Variants in ADAM32 observed in about 807,000 individuals in gnomAD.
ADAM32 encodes the protein disintegrin and metalloproteinase domain-containing protein 32.
In ADAM32, 89 loss-of-function variants were observed where a neutral mutation model predicts 114.9. The observed-to-expected ratio is 0.77, with a 90% confidence interval of 0.65 to 0.92. The LOEUF (loss-of-function observed/expected upper bound fraction) is 0.92, where lower values mean the gene tolerates loss of function less well. Ranked by LOEUF, ADAM32 falls within the 40% of genes least tolerant of loss-of-function variation. ADAM32 has a pLI of 0.00. For synonymous variants in ADAM32, 285 were observed against 307.5 expected (o/e 0.93, Z 0.77); for missense variants, 870 against 932.8 (o/e 0.93, Z 0.88).
intron 11 of ADAM32, among the ~76,000 whole-genome samples, chr8:39,193,999 C>T (rs1025010744): frequency 7.2e-5 from 11 of 152,222 alleles, no homozygotes; most frequent in South Asian, 4.1e-4. Flanking sequence ...GTGGCGGTGG[C>T]GGCACAGTGG....
At chr8:39,174,467 ATTTT>A (rs58760134) in intron 10 of ADAM32, among the ~76,000 whole-genome samples, 1 of 150,588 alleles carries the variant, frequency 6.6e-6, no homozygotes, top group African/African-American at 2.4e-5. Context: ...GTTCCATATG[ATTTT>A]TTTTTTGCCT....
intron 2 of ADAM32, among the ~76,000 whole-genome samples, chr8:39,127,148 T>C (rs1802165904): frequency 6.6e-6 from 1 of 152,200 alleles, no homozygotes; most frequent in African/African-American, 2.4e-5. Flanking sequence ...GTTGTATCTC[T>C]GTCAGGTTTT....
intron 11 of ADAM32, among the ~76,000 whole-genome samples, chr8:39,207,605 T>C (rs1056737489): frequency 6.6e-6 from 1 of 152,230 alleles, no homozygotes; most frequent in Non-Finnish European, 1.5e-5. Context: ...ATGCACTACA[T>C]TGTCATTTGG....
intron 11 of ADAM32, among the ~76,000 whole-genome samples, chr8:39,193,525 ATAACCCTTGCTGGAGTACT>A: frequency 6.6e-6 from 1 of 152,180 alleles, no homozygotes; most frequent in Non-Finnish European, 1.5e-5. Flanking sequence ...ACCTTGGTTA[ATAACCCTTGCTGGAGTACT>A]AGTTTGGTGT....
intron 12 of ADAM32, among the ~76,000 whole-genome samples, chr8:39,215,536 A>G (rs970348414): frequency 1.3e-5 from 2 of 151,888 alleles, no homozygotes; most frequent in African/African-American, 4.8e-5. Context: ...CTATAAACAT[A>G]CCTTTTAGTA....
At chr8:39,266,262 A>G (rs751742466) in intron 19 of ADAM32, among the ~76,000 whole-genome samples, 2 of 152,180 alleles carry the variant, frequency 1.3e-5, no homozygotes, top group Admixed American at 6.5e-5. Context: ...ATGTTTTCCA[A>G]TTTGCTTGCT....
At chr8:39,125,175 C>G (rs916458533) in intron 2 of ADAM32, among the ~76,000 whole-genome samples, 1 of 152,102 alleles carries the variant, frequency 6.6e-6, no homozygotes, top group Non-Finnish European at 1.5e-5. Flanking sequence ...ACATCCTTCG[C>G]CCAATTTTTA....
chr8:39,139,371 C>G lies in ADAM32; in HGVS notation c.200+2653C>G, dbSNP rs905073026. ...TTTTTGTATGGTGTAAGGAAGGGATCGAGTTTCAACTTTCTATATATGGCT... is the reference window on the plus strand; with the variant it reads ...TTTTTGTATGGTGTAAGGAAGGGATGGAGTTTCAACTTTCTATATATGGCT... On this transcript the variant is annotated intron_variant, in intron 3 of 24. Coordinates refer to ENST00000379907, the MANE Select transcript of ADAM32 (RefSeq NM_145004.7). Among the ~76,000 whole-genome samples, 4 of 152,254 alleles carry G rather than the reference C, an allele frequency of 2.6e-5. No homozygotes were observed. The South Asian group carries it at 8.3e-4, about 32-fold the overall frequency.
intron 10 of ADAM32, among the ~76,000 whole-genome samples, chr8:39,181,128 G>A (rs375878623): frequency 5.9e-5 from 9 of 152,330 alleles, no homozygotes; most frequent in East Asian, 1.9e-4. Flanking sequence ...GTGGCAACCC[G>A]CTTGGGTCCT....
At chr8:39,109,214 T>A (rs971379810) in intron 1 of ADAM32, among the ~76,000 whole-genome samples, 1 of 152,170 alleles carries the variant, frequency 6.6e-6, no homozygotes, top group Non-Finnish European at 1.5e-5. Context: ...GAAATTAAAA[T>A]AGAAATGTAA....
chr8:39,119,604 C>T (rs1490855667), intron 2 of ADAM32, among the ~76,000 whole-genome samples: 3 of 151,840 alleles, frequency 2.0e-5, no homozygotes, highest in African/African-American at 4.8e-5. Context: ...ATATTCTGGA[C>T]ACAACTTCTC....
intron 22 of ADAM32, among the ~76,000 whole-genome samples, chr8:39,280,024 T>C (rs778103105): frequency 1.9e-4 from 29 of 152,214 alleles, no homozygotes; most frequent in Non-Finnish European, 3.7e-4. Context: ...GGCCTGTGAT[T>C]TCTGCATCTC....
At chr8:39,119,238 A>G (rs1284141004) in intron 2 of ADAM32, among the ~76,000 whole-genome samples, 1 of 152,190 alleles carries the variant, frequency 6.6e-6, no homozygotes, top group Non-Finnish European at 1.5e-5. Flanking sequence ...TTAGGAGTGA[A>G]ATTGCTGGGC....
chr8:39,171,244 C>T (rs1444589416), intron 10 of ADAM32, among the ~76,000 whole-genome samples: 1 of 152,056 alleles, frequency 6.6e-6, no homozygotes, highest in Non-Finnish European at 1.5e-5. Context: ...CATGCCTGGC[C>T]AGTTCTAGTA....
chr8:39,257,805 C>T (rs958035168), intron 19 of ADAM32, among the ~76,000 whole-genome samples: 1 of 151,920 alleles, frequency 6.6e-6, no homozygotes, highest in African/African-American at 2.4e-5. Flanking sequence ...TTTTATTTTT[C>T]AAGAAATAAT....
intron 3 of ADAM32, among the ~76,000 whole-genome samples, chr8:39,144,861 T>C (rs970550187): frequency 6.6e-6 from 1 of 152,092 alleles, no homozygotes; most frequent in African/African-American, 2.4e-5. Flanking sequence ...GAAAGAGAAA[T>C]GTTAAATTGT....
At chr8:39,224,665 A>G (rs1809225964) in intron 14 of ADAM32, among the ~76,000 whole-genome samples, 1 of 152,124 alleles carries the variant, frequency 6.6e-6, no homozygotes, top group African/African-American at 2.4e-5. Flanking sequence ...TATTATATAT[A>G]TGATCTGCAA....
At chr8:39,271,460 CAA>C (rs33982521) in intron 20 of ADAM32, among the ~76,000 whole-genome samples, 268 of 110,298 alleles carry the variant, frequency 2.4e-3, no homozygotes, top group Middle Eastern at 5.1e-3. Flanking sequence ...CTTAACCTTA[CAA>C]AAAAAAAAAA....
chr8:39,159,518 A>T (rs893110073), intron 6 of ADAM32, among the ~76,000 whole-genome samples: 2 of 152,296 alleles, frequency 1.3e-5, no homozygotes, highest in East Asian at 3.9e-4. Flanking sequence ...ATTTCCCAGT[A>T]TATGCCTGAG....
Sources: allele counts gnomAD v4.1 joint callset (sites outside exome capture counted in the v4.1 genomes callset), GRCh38; gene constraint gnomAD v4.1.1; transcripts MANE v1.5; gene names NCBI Gene and HGNC (gene_info 2026-07-23, HGNC 2026-07-21).